Variants in DYNC1LI2 observed in about 807,000 individuals in gnomAD.
The protein encoded by DYNC1LI2 is cytoplasmic dynein 1 light intermediate chain 2.
A neutral mutation model predicts 57.8 loss-of-function variants in DYNC1LI2; 19 were observed. That is an observed-to-expected ratio of 0.33 (90% CI 0.23 to 0.48). The LOEUF (loss-of-function observed/expected upper bound fraction) is 0.48, where lower values mean the gene tolerates loss of function less well. Among genes scored for constraint, DYNC1LI2 ranks in the 20% least tolerant of loss-of-function variants. The pLI, the probability that DYNC1LI2 is intolerant of heterozygous loss-of-function variation, is 0.99. For synonymous variants in DYNC1LI2, 256 were observed against 233.4 expected, an observed-to-expected ratio of 1.10 and a Z score of -0.88; for missense variants, 470 against 604.2, an observed-to-expected ratio of 0.78 and a Z score of 2.33.
At chr16:66,747,927 T>C (rs900481537) in intron 3 of DYNC1LI2, among the ~76,000 whole-genome samples, 1 of 152,150 alleles carries the variant, frequency 6.6e-6, no homozygotes, top group Non-Finnish European at 1.5e-5. Context: ...ATAACTTTTC[T>C]ACCAAAAAAA....
intron 3 of DYNC1LI2, among the ~76,000 whole-genome samples, chr16:66,747,549 A>G (rs1408840326): frequency 6.6e-6 from 1 of 152,088 alleles, no homozygotes; most frequent in African/African-American, 2.4e-5. Context: ...AAATGAGTAA[A>G]GGCAAATATA....
At chr16:66,750,383 A>G (rs1322716718) in intron 2 of DYNC1LI2, among the ~76,000 whole-genome samples, 1 of 152,174 alleles carries the variant, frequency 6.6e-6, no homozygotes, top group African/African-American at 2.4e-5. Context: ...AGGAAACAGC[A>G]CTAACTCTTC....
chr16:66,738,670 T>C (rs990883262), intron 4 of DYNC1LI2, among the ~76,000 whole-genome samples: 13 of 151,840 alleles, frequency 8.6e-5, no homozygotes, highest in African/African-American at 3.1e-4. Context: ...AGGTCAGGAA[T>C]TCAAGACCAG....
chr16:66,738,656 C>G (rs1462476972), intron 4 of DYNC1LI2, among the ~76,000 whole-genome samples: 1 of 151,834 alleles, frequency 6.6e-6, no homozygotes, highest in African/African-American at 2.4e-5. Context: ...GCGGGTGGAT[C>G]ATGAGGTCAG....
rs76241698 is a variant in DYNC1LI2, at chr16:66,747,974, T to C, written c.298+1223A>G. Among the ~76,000 whole-genome samples, 49 of 152,318 alleles carry C rather than the reference T, an allele frequency of 3.2e-4. No individual in the cohort carries two copies. In the East Asian group the frequency reaches 8.1e-3, roughly 25 times the overall value. On this transcript the variant is annotated intron_variant, in intron 3 of 12. Coordinates refer to ENST00000258198, the MANE Select transcript of DYNC1LI2 (RefSeq NM_006141.3). ...ACCAACCTAGGTACCAATGGTTATT[T>C]ATTTTTGAATCATTGAAAAGATCTA...
rs750336908 is a variant in DYNC1LI2, at chr16:66,736,125, T to C, written c.649A>G (p.Asn217Asp). The change falls in exon 5 of 13, where the codon AAT becomes GAT. Residue 217 changes from asparagine to aspartate, a missense_variant. Coordinates refer to ENST00000258198, the MANE Select transcript of DYNC1LI2 (RefSeq NM_006141.3). ...ATCCCCAGGTTATGAGTCAGCACAT[T>C]GTCACCCAGAGGCAGGGCAACATTT... ...EENVALPLGD[N>D]VLTHNLGIPV... is the part of the protein sequence containing the mutation. The C allele has an allele frequency of 8.1e-6, 13 of 1,613,918 alleles. No individual in the cohort carries two copies. Among genetic ancestry groups the C allele is most frequent in the African/African-American group, 2.7e-5 (2 of 74,858 alleles).
Position 66,732,583 on chromosome 16 carries a change from G to C in DYNC1LI2, c.794-109C>G. Reference sequence around the variant, plus strand: ...GTTGATCAGTTTTTGATCAATATATGAGCAACAGAAAGCATTACAATTTTA... The same window carrying C: ...GTTGATCAGTTTTTGATCAATATATCAGCAACAGAAAGCATTACAATTTTA... On this transcript the variant is annotated intron_variant, in intron 6 of 12. Coordinates refer to ENST00000258198, the MANE Select transcript of DYNC1LI2 (RefSeq NM_006141.3). The C allele has an allele frequency of 2.5e-6, 3 of 1,219,088 alleles. No homozygotes were observed. In the South Asian group the frequency reaches 5.8e-5, roughly 24 times the overall value. 75.5% of individuals were successfully genotyped at this position (1,219,088 alleles called of 1,614,324 possible).
At chr16:66,739,527 G>A (rs1423786029) in intron 4 of DYNC1LI2, among the ~76,000 whole-genome samples, 2 of 152,014 alleles carry the variant, frequency 1.3e-5, no homozygotes, top group African/African-American at 2.4e-5. Flanking sequence ...CTGCAGCCTC[G>A]ACCTGCTGGG....
intron 7 of DYNC1LI2, chr16:66,730,516 T>C (rs1336308688): frequency 1.2e-5 from 3 of 248,484 alleles, no homozygotes; most frequent in Non-Finnish European, 2.3e-5. Context: ...CTCCCACAAC[T>C]CTGCCTAGAA....
rs1170950389 is a variant in DYNC1LI2 at position 66,750,914 on chromosome 16, C to T, written c.181+359G>A. On this transcript the variant is annotated intron_variant, in intron 2 of 12. Transcript: ENST00000258198. ...GAAGGCTCCCGTGGTCATTTCCCCA[C>T]AGCTCCGAGCCCAGGTCACCTCGTT... Among the ~76,000 whole-genome samples, 3 of 152,350 alleles carry T rather than the reference C, an allele frequency of 2.0e-5. No individual in the cohort carries two copies. The East Asian group carries it at 5.8e-4, about 29-fold the overall frequency.
intron 2 of DYNC1LI2, among the ~76,000 whole-genome samples, chr16:66,750,445 G>C (rs1468691976): frequency 6.6e-6 from 1 of 152,082 alleles, no homozygotes; most frequent in African/African-American, 2.4e-5. Flanking sequence ...CAACCACAAG[G>C]CGCTTCTAGC....
chr16:66,735,998 C>A, intron 5 of DYNC1LI2, 77 bp downstream of exon 5: 2 of 1,530,628 alleles, frequency 1.3e-6, no homozygotes, highest in Non-Finnish European at 1.8e-6. Flanking sequence ...AAAAAAACGT[C>A]AACAGTTTCT....
chr16:66,749,657 A>G (rs1289677243), intron 2 of DYNC1LI2, among the ~76,000 whole-genome samples: 1 of 152,192 alleles, frequency 6.6e-6, no homozygotes, highest in African/African-American at 2.4e-5. Flanking sequence ...TTCTCACAAG[A>G]AAAAGTTTCA....
chr16:66,724,992 C>A (rs1055302814), intron 12 of DYNC1LI2, among the ~76,000 whole-genome samples: 7 of 149,296 alleles, frequency 4.7e-5, no homozygotes, highest in Non-Finnish European at 5.9e-5. Context: ...GCCAACATGG[C>A]GAAAAACCGT....
Position 66,722,093 on chromosome 16 carries a change from T to C in DYNC1LI2, c.*1629A>G, listed in dbSNP as rs2017458294. On this transcript the variant is annotated 3_prime_UTR_variant, in exon 13 of 13. Coordinates refer to ENST00000258198, the MANE Select transcript of DYNC1LI2 (RefSeq NM_006141.3). ...AAAACTGGCACAAGAAACATTTCTA[T>C]CAGAAAGGCAAGTTGATACTCAGCT... The C allele has an allele frequency of 6.6e-6, 1 of 152,652 alleles. No homozygotes were observed. Among genetic ancestry groups the C allele is most frequent in the East Asian group, 1.9e-4 (1 of 5,204 alleles). The allele number at this position is 152,652 out of a possible 1,614,324, so 9.5% of individuals were successfully genotyped here.
chr16:66,726,035 G>C, intron 11 of DYNC1LI2, 91 bp from the exon 12 acceptor site: 1 of 1,311,352 alleles, frequency 7.6e-7, no homozygotes. Context: ...TTAGCCACTT[G>C]TGGCTATCAG....
intron 4 of DYNC1LI2, among the ~76,000 whole-genome samples, chr16:66,741,986 C>T (rs956486743): frequency 2.7e-5 from 4 of 149,150 alleles, no homozygotes; most frequent in African/African-American, 9.9e-5. Flanking sequence ...GAGCTGAAAG[C>T]TTTGTCTTTC....
Position 66,728,257 on chromosome 16 carries a change from A to G in DYNC1LI2, c.1102-15T>C. On this transcript the variant is annotated splice_polypyrimidine_tract_variant and intron_variant, in intron 9 of 12. Transcript: ENST00000258198. ...GCAAGGAGTGACTGCAAAGAGAGGG[A>G]CAAACTGGCTATTAACCAAGGCCTG... 1.9e-6 allele frequency: 3 copies of G among 1,614,090 alleles called. No individual in the cohort carries two copies. The highest frequency in any genetic ancestry group is 2.5e-6 in the Non-Finnish European group (3 of 1,179,986).
intron 4 of DYNC1LI2, among the ~76,000 whole-genome samples, chr16:66,741,561 G>A (rs2017836461): frequency 6.6e-6 from 1 of 152,190 alleles, no homozygotes; most frequent in East Asian, 1.9e-4. Context: ...CATTCTGCCA[G>A]TAAGTGTGAA....
Sources: gnomAD v4.1 joint callset for allele counts (sites outside exome capture counted in the v4.1 genomes callset) on GRCh38, gnomAD v4.1.1 for gene constraint, MANE v1.5 for transcripts, NCBI Gene and HGNC (gene_info 2026-07-23, HGNC 2026-07-21) for gene names.